Variants in AKT3 observed in about 807,000 individuals in gnomAD.
AKT3 encodes RAC-gamma serine/threonine-protein kinase.
AKT3 carries 15 observed loss-of-function variants against 65.3 expected under a neutral mutation model. The ratio of observed to expected loss-of-function variants is 0.23; its 90% CI spans 0.15 to 0.35. AKT3 has a LOEUF of 0.35. Among genes scored for constraint, AKT3 ranks in the 10% least tolerant of loss-of-function variants. AKT3 has a pLI of 1.00. For synonymous variants in AKT3, 206 were observed against 183.8 expected (o/e 1.12, Z -0.98); for missense variants, 243 against 576.5 (o/e 0.42, Z 5.92).
chr1:243,766,211 C>A (rs1689807613), intron 2 of AKT3, among the ~76,000 whole-genome samples: 1 of 152,080 alleles, frequency 6.6e-6, no homozygotes, highest in Non-Finnish European at 1.5e-5. Flanking sequence ...ATTTGTATTA[C>A]ATATATGTGC....
intron 8 of AKT3, among the ~76,000 whole-genome samples, chr1:243,601,182 A>T (rs1171681927): frequency 1.3e-5 from 2 of 152,146 alleles, no homozygotes; most frequent in Non-Finnish European, 2.9e-5. Context: ...AAAATGGGAG[A>T]AAATATTTAT....
At chr1:243,576,108 AAT>A (rs1261672983) in intron 8 of AKT3, among the ~76,000 whole-genome samples, 1 of 152,070 alleles carries the variant, frequency 6.6e-6, no homozygotes, top group Non-Finnish European at 1.5e-5. Context: ...TGTAATTCAT[AAT>A]ATAAACAGAA....
intron 12 of AKT3, among the ~76,000 whole-genome samples, chr1:243,535,372 C>T (rs1671854768): frequency 6.6e-6 from 1 of 152,156 alleles, no homozygotes; most frequent in Non-Finnish European, 1.5e-5. Flanking sequence ...CCTCCCTCTT[C>T]CATCCTCCCC....
intron 6 of AKT3, among the ~76,000 whole-genome samples, chr1:243,636,788 G>T (rs986893181): frequency 6.6e-6 from 1 of 152,094 alleles, no homozygotes; most frequent in Admixed American, 6.6e-5. Flanking sequence ...GTGAACCTAG[G>T]TGTGTATGAT....
intron 2 of AKT3, among the ~76,000 whole-genome samples, chr1:243,814,996 C>A (rs1006785270): frequency 6.6e-6 from 1 of 152,060 alleles, no homozygotes; most frequent in Non-Finnish European, 1.5e-5. Context: ...TTCAAAACAC[C>A]TGGATATTTC....
chr1:243,658,432 T>C (rs1252435316), intron 4 of AKT3, among the ~76,000 whole-genome samples: 1 of 152,088 alleles, frequency 6.6e-6, no homozygotes, highest in African/African-American at 2.4e-5. Flanking sequence ...AGTATGGCTG[T>C]TGTTTTTAAA....
chr1:243,510,885 C>T (rs1342676494), intron 13 of AKT3, among the ~76,000 whole-genome samples: 1 of 152,258 alleles, frequency 6.6e-6, no homozygotes, highest in African/African-American at 2.4e-5. Context: ...GCAGGAACTG[C>T]CCATGGGCCG....
chr1:243,674,284 G>C (rs78585987), intron 3 of AKT3, among the ~76,000 whole-genome samples: 2,349 of 152,230 alleles, frequency 0.015, 40 homozygotes, highest in Non-Finnish European at 0.021. Context: ...AGATTATCTG[G>C]TAACCACATG....
intron 3 of AKT3, among the ~76,000 whole-genome samples, chr1:243,668,620 G>A (rs1490720613): frequency 1.3e-5 from 2 of 152,006 alleles, no homozygotes; most frequent in African/African-American, 2.4e-5. Flanking sequence ...TAATAATGAA[G>A]AATTTAAACT....
chr1:243,838,811 G>A (rs915323486), intron 2 of AKT3, among the ~76,000 whole-genome samples: 3 of 152,110 alleles, frequency 2.0e-5, no homozygotes, highest in Non-Finnish European at 4.4e-5. Flanking sequence ...GACAAAGTCA[G>A]TACAAAGAAA....
At chr1:243,499,667 C>A, downstream of AKT3, 1 of 1,067,024 alleles carries the variant, frequency 9.4e-7, no homozygotes, top group South Asian at 1.3e-5. Flanking sequence ...CAGTTTTCAT[C>A]ATAAAAGGTG....
rs542098597 is a variant in AKT3, at chr1:243,716,387, A to G, written c.47-20671T>C. Among the ~76,000 whole-genome samples the G allele has an allele frequency of 4.9e-4, 74 of 152,330 alleles. 1 individual carries two copies. Among genetic ancestry groups the G allele is most frequent in the African/African-American group, 1.8e-3 (74 of 41,596 alleles). On this transcript the variant is annotated intron_variant, in intron 2 of 13. Coordinates refer to ENST00000673466, the MANE Select transcript of AKT3 (RefSeq NM_005465.7). ...ATGTGAATAATTTCTCATAAGATCT[A>G]GCAGGTACCAAATACAATTTAATTT...
chr1:243,822,512 A>G (rs1002022701), intron 2 of AKT3, among the ~76,000 whole-genome samples: 1 of 151,854 alleles, frequency 6.6e-6, no homozygotes, highest in African/African-American at 2.4e-5. Flanking sequence ...TTAAAAAATT[A>G]ATAAAATAGC....
At chr1:243,849,746 C>G (rs1695680157) in intron 1 of AKT3, among the ~76,000 whole-genome samples, 1 of 151,656 alleles carries the variant, frequency 6.6e-6, no homozygotes, top group African/African-American at 2.4e-5. Context: ...GCCGGGAACA[C>G]CCCTCCCCCG....
Position 243,751,303 on chromosome 1 carries a change from G to A in AKT3, c.47-55587C>T, listed in dbSNP as rs191924371. Reference sequence around the variant, plus strand: ...AAAAATCCATTTGTAGACCAGCTGTGACAGACTCTTTAAAGCATATCCAAG... The same window carrying A: ...AAAAATCCATTTGTAGACCAGCTGTAACAGACTCTTTAAAGCATATCCAAG... On this transcript the variant is annotated intron_variant, in intron 2 of 13. Coordinates refer to ENST00000673466, the MANE Select transcript of AKT3 (RefSeq NM_005465.7). 3.9e-5 allele frequency among the ~76,000 whole-genome samples: 6 copies of A among 152,344 alleles called. No homozygotes were observed. In the East Asian group the frequency reaches 1.2e-3, roughly 29 times the overall value.
intron 3 of AKT3, among the ~76,000 whole-genome samples, chr1:243,671,309 T>G (rs1394390769): frequency 6.6e-6 from 1 of 152,118 alleles, no homozygotes; most frequent in African/African-American, 2.4e-5. Context: ...CTCGATTTCC[T>G]GACCTCATGA....
intron 2 of AKT3, among the ~76,000 whole-genome samples, chr1:243,732,555 G>A (rs1687626196): frequency 6.6e-6 from 1 of 152,184 alleles, no homozygotes; most frequent in Non-Finnish European, 1.5e-5. Flanking sequence ...AAAAGAACAG[G>A]AAAAGAGTTT....
At chr1:243,658,273 A>T (rs2147892452) in intron 4 of AKT3, among the ~76,000 whole-genome samples, 1 of 152,312 alleles carries the variant, frequency 6.6e-6, no homozygotes, top group African/African-American at 2.4e-5. Flanking sequence ...AAACAGAAAC[A>T]CAAGTAAAAA....
chr1:243,699,511 A>ATATATATATATATATATATG (rs1685301766), intron 2 of AKT3, among the ~76,000 whole-genome samples: 2 of 113,140 alleles, frequency 1.8e-5, no homozygotes, highest in African/African-American at 6.9e-5. Flanking sequence ...ATATATATAT[A>ATATATATATATATATATATG]TAATCTTCAT....
Sources: gnomAD v4.1 joint callset for allele counts (sites outside exome capture counted in the v4.1 genomes callset) on GRCh38, gnomAD v4.1.1 for gene constraint, MANE v1.5 for transcripts, NCBI Gene and HGNC (gene_info 2026-07-23, HGNC 2026-07-21) for gene names.